The following NOS1AP variants were observed in gnomAD, a reference collection of about 807,000 sequenced individuals.
The protein encoded by NOS1AP is nitric oxide synthase 1 adaptor protein.
Under a neutral mutation model 56.2 loss-of-function variants are expected in NOS1AP, and 21 were observed. The observed-to-expected ratio is 0.37, with a 90% CI of 0.26 to 0.54. The LOEUF (loss-of-function observed/expected upper bound fraction) is 0.54, where lower values mean the gene tolerates loss of function less well. Among genes scored for constraint, NOS1AP ranks in the 20% least tolerant of loss-of-function variants. The probability of loss-of-function intolerance (pLI) is 0.84; values close to 1 mark genes in which losing one functional copy is unlikely to be tolerated. For missense variants in NOS1AP, 522 were observed against 657.8 expected (o/e 0.79, Z 2.26); for synonymous variants, 270 against 274.6 (o/e 0.98, Z 0.17).
At position 162,128,106 on chromosome 1, in the gene NOS1AP, A is replaced by G. The variant is rs145970774; in HGVS notation, c.106-26299A>G. 4.0e-3 allele frequency among the ~76,000 whole-genome samples: 613 copies of G among 152,238 alleles called. 5 individuals are homozygous for G. The highest frequency in any genetic ancestry group is 0.014 in the African/African-American group (576 of 41,548). The stretch of plus-strand genomic sequence containing the variant: ...TTTGGTCAATTGCAGGGTATTAAGG[A>G]AATCATCCATGTTTTCTTTTAGTAC... On this transcript the variant is annotated intron_variant, in intron 1 of 9. Coordinates refer to ENST00000361897, the MANE Select transcript of NOS1AP (RefSeq NM_014697.3).
At chr1:162,352,587 G>A (rs568985626) in intron 6 of NOS1AP, among the ~76,000 whole-genome samples, 1 of 152,194 alleles carries the variant, frequency 6.6e-6, no homozygotes, top group African/African-American at 2.4e-5. Context: ...CAGTTTTGGA[G>A]GCTGAGAAGT....
intron 2 of NOS1AP, among the ~76,000 whole-genome samples, chr1:162,165,384 T>C (rs1650438134): frequency 6.6e-6 from 1 of 152,196 alleles, no homozygotes; most frequent in Admixed American, 6.5e-5. Context: ...TAACCAGAAT[T>C]GAGTACAGAC....
intron 2 of NOS1AP, among the ~76,000 whole-genome samples, chr1:162,273,669 T>C (rs1654654085): frequency 6.6e-6 from 1 of 152,194 alleles, no homozygotes; most frequent in Non-Finnish European, 1.5e-5. Context: ...ACTTTAATTT[T>C]CATTTTATTT....
intron 2 of NOS1AP, among the ~76,000 whole-genome samples, chr1:162,178,531 C>A (rs4442351): frequency 5.3e-5 from 8 of 151,990 alleles, no homozygotes; most frequent in Admixed American, 5.2e-4. Flanking sequence ...GGGCCTTCCA[C>A]TTTATAGGTG....
At chr1:162,275,779 G>A (rs1456707611) in intron 2 of NOS1AP, among the ~76,000 whole-genome samples, 3 of 152,056 alleles carry the variant, frequency 2.0e-5, no homozygotes, top group African/African-American at 2.4e-5. Context: ...ATCTGTCTTC[G>A]GGGGCCCTCC....
intron 6 of NOS1AP, among the ~76,000 whole-genome samples, chr1:162,350,200 C>A (rs992233578): frequency 6.6e-6 from 1 of 152,178 alleles, no homozygotes; most frequent in Non-Finnish European, 1.5e-5. Context: ...CCACCTGACA[C>A]GTCAGCAGGC....
Position 162,196,626 on chromosome 1 carries a change from C to T in NOS1AP, c.177+42150C>T, listed in dbSNP as rs955413085. Among the ~76,000 whole-genome samples, 9 of 152,158 alleles carry T rather than the reference C, an allele frequency of 5.9e-5. No homozygotes were observed. The East Asian group carries it at 7.7e-4, about 13-fold the overall frequency. On this transcript the variant is annotated intron_variant, in intron 2 of 9. Coordinates refer to ENST00000361897, the MANE Select transcript of NOS1AP (RefSeq NM_014697.3). ...AGGGCACCAGTTCTCAAGGGAGAGT[C>T]GTTGGGAAGCAGAAACAGGAAAGAG...
intron 5 of NOS1AP, among the ~76,000 whole-genome samples, chr1:162,334,418 G>T (rs1397197091): frequency 6.6e-6 from 1 of 152,202 alleles, no homozygotes; most frequent in Non-Finnish European, 1.5e-5. Context: ...CTGATAGAAA[G>T]GGGAATAGGA....
chr1:162,115,287 C>T (rs1209293192), intron 1 of NOS1AP, among the ~76,000 whole-genome samples: 1 of 152,114 alleles, frequency 6.6e-6, no homozygotes, highest in Non-Finnish European at 1.5e-5. Flanking sequence ...GAAAATAAAA[C>T]AGTATACCAT....
chr1:162,127,525 T>C (rs1257571485), intron 1 of NOS1AP, among the ~76,000 whole-genome samples: 1 of 147,640 alleles, frequency 6.8e-6, no homozygotes, highest in Non-Finnish European at 1.5e-5. Flanking sequence ...CTGGGTACTT[T>C]ATAAAAAAAA....
intron 2 of NOS1AP, among the ~76,000 whole-genome samples, chr1:162,255,424 G>T (rs1041324330): frequency 6.7e-6 from 1 of 149,028 alleles, no homozygotes; most frequent in Non-Finnish European, 1.5e-5. Context: ...ACTGTTTCAG[G>T]TCAGGAGACC....
chr1:162,247,243 G>C (rs113206880), intron 2 of NOS1AP, among the ~76,000 whole-genome samples: 1 of 152,076 alleles, frequency 6.6e-6, no homozygotes, highest in Non-Finnish European at 1.5e-5. Context: ...TCTTTCTCTC[G>C]TAATTCCTTC....
chr1:162,352,996 T>C (rs1214040442), intron 6 of NOS1AP, among the ~76,000 whole-genome samples: 1 of 152,160 alleles, frequency 6.6e-6, no homozygotes, highest in Non-Finnish European at 1.5e-5. Flanking sequence ...TTCAGTCACC[T>C]GAATCAGATA....
chr1:162,362,983 C>G (rs966994154), intron 8 of NOS1AP: 2 of 897,762 alleles, frequency 2.2e-6, no homozygotes, highest in East Asian at 1.2e-4. Context: ...CAACATACTT[C>G]TATGACCAAA....
chr1:162,316,115 G>A (rs1042237424), intron 4 of NOS1AP, among the ~76,000 whole-genome samples: 2 of 152,128 alleles, frequency 1.3e-5, no homozygotes, highest in African/African-American at 4.8e-5. Context: ...ATGAATGAAC[G>A]AACGAATGAA....
At chr1:162,151,706 A>G (rs1553259599) in intron 1 of NOS1AP, among the ~76,000 whole-genome samples, 2 of 152,024 alleles carry the variant, frequency 1.3e-5, no homozygotes, top group Non-Finnish European at 1.5e-5. Flanking sequence ...GAGATCTTTC[A>G]CTTCTTTGGT....
intron 2 of NOS1AP, among the ~76,000 whole-genome samples, chr1:162,235,381 C>T (rs970453778): frequency 4.6e-5 from 7 of 152,284 alleles, no homozygotes; most frequent in Non-Finnish European, 7.3e-5. Flanking sequence ...ACTTCCCTGG[C>T]GCTGGTATTG....
intron 2 of NOS1AP, among the ~76,000 whole-genome samples, chr1:162,156,026 T>C (rs1434031098): frequency 1.3e-5 from 2 of 152,220 alleles, no homozygotes; most frequent in Non-Finnish European, 2.9e-5. Context: ...TTGAGTTCAA[T>C]GACAGCAACG....
chr1:162,364,784 C>T, intron 8 of NOS1AP: 1 of 987,006 alleles, frequency 1.0e-6, no homozygotes, highest in Non-Finnish European at 1.2e-6. Context: ...GGGAAAGAAG[C>T]TGTCGCCTAC....
Sources: allele counts gnomAD v4.1 joint callset (sites outside exome capture counted in the v4.1 genomes callset), GRCh38; gene constraint gnomAD v4.1.1; transcripts MANE v1.5; gene names NCBI Gene and HGNC (gene_info 2026-07-23, HGNC 2026-07-21).